SLC10A1: variants seen among roughly 807,000 people sequenced by gnomAD.
The protein encoded by SLC10A1 is solute carrier family 10 member 1.
In SLC10A1, 36 loss-of-function variants were observed where a neutral mutation model predicts 20.5. That is an observed-to-expected ratio of 1.75 (90% CI 1.34 to 2.32). SLC10A1 has a LOEUF of 2.32. SLC10A1 is among the 30% of genes most tolerant of loss of function. SLC10A1 has a pLI of 0.00. For missense variants in SLC10A1, 545 were observed against 439.1 expected (o/e 1.24, Z -2.16); for synonymous variants, 188 against 163.6 (o/e 1.15, Z -1.14).
At chr14:69,796,597 G>A (rs940798711) in intron 1 of SLC10A1, among the ~76,000 whole-genome samples, 1 of 152,154 alleles carries the variant, frequency 6.6e-6, no homozygotes, top group African/African-American at 2.4e-5. Context: ...CCTTTGGCTT[G>A]GTGCCTAAAC....
intron 1 of SLC10A1, among the ~76,000 whole-genome samples, chr14:69,788,321 A>G (rs183151638): frequency 1.3e-5 from 2 of 152,292 alleles, no homozygotes; most frequent in East Asian, 1.9e-4. Flanking sequence ...AATAAAATAC[A>G]TATTTAAAAA....
At position 69,796,899 on chromosome 14, in the gene SLC10A1, T is replaced by C. The variant is rs201712905; in HGVS notation, c.257A>G (p.Lys86Arg). 4 of 1,614,094 alleles carry C rather than the reference T, an allele frequency of 2.5e-6. No individual in the cohort carries two copies. The highest frequency in any genetic ancestry group is 3.4e-6 in the Non-Finnish European group (4 of 1,180,018). ...CAAGATGGCCAGTGCCTCAATGTTC[T>C]TCAGCCGGAAGACCTTGCCCAGCAC... is the stretch of plus-strand genomic sequence containing the variant. ...AFVLGKVFRLKNIEALAILVC... is the reference protein window; with the variant it reads ...AFVLGKVFRLRNIEALAILVC... The change falls in exon 1 of 5, where the codon AAG becomes AGG. Residue 86 changes from lysine to arginine, a missense_variant. Physicochemically the swap from Lys to Arg is conservative, Grantham distance 26 (BLOSUM62 2). Transcript: ENST00000216540.
Position 69,776,169 on chromosome 14 carries a change from G to T in SLC10A1, c.*113C>A. ...CTTGATGATTCTGATAGATGTACTG[G>T]AAATGCTGGAGAAAGACTCAGGCAA... On this transcript the variant is annotated 3_prime_UTR_variant, in exon 5 of 5. Transcript: ENST00000216540. 1 of 746,958 alleles carries T rather than the reference G, an allele frequency of 1.3e-6. No homozygotes were observed. 46.3% of individuals were successfully genotyped at this position (746,958 alleles called of 1,614,324 possible). A position where few individuals can be genotyped will look rare whatever the true frequency, so the allele number is the denominator to read the frequency against.
At chr14:69,783,081 AAAG>A (rs1201739122) in intron 2 of SLC10A1, among the ~76,000 whole-genome samples, 2 of 152,342 alleles carry the variant, frequency 1.3e-5, no homozygotes, top group African/African-American at 4.8e-5. Flanking sequence ...ATTTTTTAAA[AAAG>A]CAATCTTATG....
At chr14:69,788,432 T>C (rs1330375857) in intron 1 of SLC10A1, among the ~76,000 whole-genome samples, 1 of 152,050 alleles carries the variant, frequency 6.6e-6, no homozygotes, top group African/African-American at 2.4e-5. Flanking sequence ...TATTAAAAAC[T>C]TGTGATTCAA....
Position 69,797,130 on chromosome 14 carries a change from G to A in SLC10A1, c.26C>T (p.Pro9Leu), listed in dbSNP as rs765965025. 1.2e-6 allele frequency: 2 copies of A among 1,612,844 alleles called. No homozygotes were observed. Among genetic ancestry groups the A allele is most frequent in the Non-Finnish European group, 1.7e-6 (2 of 1,179,272 alleles). Reference sequence around the variant, plus strand: ...GTTGGGTGGCAGGGTGAAGTTGAATGGGGCAGACGCGTTGTGGGCCTCCAT... The same window carrying A: ...GTTGGGTGGCAGGGTGAAGTTGAATAGGGCAGACGCGTTGTGGGCCTCCAT... Reference protein sequence around the residue: MEAHNASAPFNFTLPPNFG... With the variant: MEAHNASALFNFTLPPNFG... Residue 9 changes from proline to leucine, a missense_variant, in exon 1 of 5, where the codon CCA becomes CTA. By Grantham distance (98) the Pro-to-Leu change is moderately conservative (BLOSUM62 -3). Coordinates refer to ENST00000216540, the MANE Select transcript of SLC10A1 (RefSeq NM_003049.4).
At chr14:69,781,783 T>A (rs2139713351) in intron 2 of SLC10A1, among the ~76,000 whole-genome samples, 1 of 152,366 alleles carries the variant, frequency 6.6e-6, no homozygotes, top group South Asian at 2.1e-4. Context: ...ATGGGTAAGT[T>A]AAAAATTACT....
chr14:69,776,810 T>C (rs1883458909), intron 4 of SLC10A1, among the ~76,000 whole-genome samples: 1 of 152,222 alleles, frequency 6.6e-6, no homozygotes, highest in Admixed American at 6.5e-5. Flanking sequence ...GTCCGTGGTG[T>C]AGGCGGTGAT....
rs1047296988 is a variant in SLC10A1, at chr14:69,776,051, C to T, written c.*231G>A. On this transcript the variant is annotated 3_prime_UTR_variant, in exon 5 of 5. Transcript: ENST00000216540. ...TTTCTGGTTTCATAGAGTTTACAGT[C>T]ACTGAACAAGTCTTTAAAATAAGTA... The T allele has an allele frequency of 7.5e-6, 4 of 531,446 alleles. No homozygotes were observed. Among genetic ancestry groups the T allele is most frequent in the Middle Eastern group, 5.0e-4 (1 of 2,020 alleles). The allele number at this position is 531,446 out of a possible 1,614,324, so 32.9% of individuals were successfully genotyped here.
chr14:69,778,225 T>A, intron 4 of SLC10A1, 108 bp downstream of exon 4: 2 of 865,408 alleles, frequency 2.3e-6, no homozygotes, highest in Non-Finnish European at 3.5e-6. Context: ...AGTGACTTGA[T>A]AAGAGTTAAA....
chr14:69,794,802 A>C (rs71423373), intron 1 of SLC10A1, among the ~76,000 whole-genome samples: 11,719 of 152,242 alleles, frequency 0.077, 664 homozygotes, highest in Middle Eastern at 0.22. Context: ...AATGACAGTC[A>C]TCAGGGGTCT....
At chr14:69,788,248 A>G (rs1883767879) in intron 1 of SLC10A1, among the ~76,000 whole-genome samples, 1 of 152,198 alleles carries the variant, frequency 6.6e-6, no homozygotes, top group South Asian at 2.1e-4. Flanking sequence ...AGGGGAGGGG[A>G]ACTTTCTAAT....
intron 3 of SLC10A1, among the ~76,000 whole-genome samples, chr14:69,778,892 C>T (rs1243176100): frequency 1.3e-5 from 2 of 152,276 alleles, no homozygotes; most frequent in South Asian, 4.2e-4. Flanking sequence ...TCCAGGCATG[C>T]AGTGGCTCAC....
At chr14:69,778,018 C>T (rs143040132) in intron 4 of SLC10A1, among the ~76,000 whole-genome samples, 178 of 152,176 alleles carry the variant, frequency 1.2e-3, no homozygotes, top group African/African-American at 4.1e-3. Flanking sequence ...AACTAATAAC[C>T]TCAGTTGTCC....
Position 69,779,185 on chromosome 14 carries a change from C to T in SLC10A1, c.743G>A (p.Gly248Glu). Residue 248 changes from glycine to glutamate, a missense_variant, in exon 3 of 5, where the codon GGA becomes GAA. Transcript: ENST00000216540. The stretch of plus-strand genomic sequence containing the variant: ...TAAAAAAAAAAAAAATACCTACCGT[C>T]CATTGAGGCAGAAGAGAGCAGAGAG... ...YVLSALFCLN[G>E]RCRRTVSMET... The T allele has an allele frequency of 6.3e-7, 1 of 1,589,694 alleles. No individual in the cohort carries two copies. The highest frequency in any genetic ancestry group is 8.5e-7 in the Non-Finnish European group (1 of 1,171,184).
chr14:69,788,273 T>C (rs191952894), intron 1 of SLC10A1, among the ~76,000 whole-genome samples: 1 of 152,164 alleles, frequency 6.6e-6, no homozygotes, highest in East Asian at 1.9e-4. Context: ...TCATCAAATA[T>C]GAAATCATGG....
chr14:69,789,947 A>G (rs1883802657), intron 1 of SLC10A1, among the ~76,000 whole-genome samples: 1 of 150,604 alleles, frequency 6.6e-6, no homozygotes, highest in Admixed American at 6.6e-5. Context: ...TTAAAGGCCA[A>G]TTAAATAGGC....
chr14:69,786,236 C>G lies in SLC10A1; in HGVS notation c.428G>C (p.Arg143Thr), dbSNP rs367585828. 2.5e-6 allele frequency: 4 copies of G among 1,613,944 alleles called. No homozygotes were observed. Among genetic ancestry groups the G allele is most frequent in the Non-Finnish European group, 3.4e-6 (4 of 1,180,022 alleles). Residue 143 changes from arginine (R) to threonine (T), a missense_variant, in exon 2 of 5, where the codon AGG (arginine) becomes ACG (threonine). By Grantham distance (71) the Arg-to-Thr change is moderately conservative. Transcript: ENST00000216540. ...MMPLLLYIYS[R>T]GIYDGDLKDK... ...CTTCAGGTCCCCATCATAGATCCCC[C>G]TGGAGTAGATGTACAGGAGGAGAGG...
rs776777427 is a variant in SLC10A1 at position 69,786,105 on chromosome 14, C to CA, written c.558dup (p.Val187CysfsTer91). The stretch of plus-strand genomic sequence containing the variant: ...GCCTCCCAGGTTCTTACCTTGATGA[C>CA]ATAGCGCATGTATTGTGGCCGTTTG... On this transcript the variant is annotated frameshift_variant, in exon 2 of 5. Transcript: ENST00000216540. LOFTEE classifies it high-confidence loss of function. 2 of 1,614,082 alleles carry CA rather than the reference C, an allele frequency of 1.2e-6. No individual in the cohort carries two copies. Among genetic ancestry groups the CA allele is most frequent in the Non-Finnish European group, 1.7e-6 (2 of 1,179,962 alleles).
Sources: gnomAD v4.1 joint callset for allele counts (sites outside exome capture counted in the v4.1 genomes callset) on GRCh38, gnomAD v4.1.1 for gene constraint, MANE v1.5 for transcripts, NCBI Gene and HGNC (gene_info 2026-07-23, HGNC 2026-07-21) for gene names.